Variants in PRKCE observed in about 807,000 individuals in gnomAD.
The protein encoded by PRKCE is protein kinase C epsilon.
PRKCE carries 16 observed loss-of-function variants against 85.4 expected under a neutral mutation model. The ratio of observed to expected loss-of-function variants is 0.19; its 90% CI spans 0.13 to 0.28. The LOEUF (loss-of-function observed/expected upper bound fraction) is 0.28. Ranked by LOEUF, PRKCE falls within the 10% of genes least tolerant of loss-of-function variation. PRKCE has a pLI of 1.00. For missense variants in PRKCE, 573 were observed against 975.2 expected, an observed-to-expected ratio of 0.59 and a Z score of 5.49; for synonymous variants, 388 against 371.5, an observed-to-expected ratio of 1.04 and a Z score of -0.51.
chr2:45,997,911 C>G (rs1704351631), intron 6 of PRKCE, among the ~76,000 whole-genome samples: 2 of 152,124 alleles, frequency 1.3e-5, no homozygotes, highest in East Asian at 3.8e-4. Context: ...TTTTCTCACT[C>G]ATATGCTATT....
At chr2:45,999,872 A>G (rs530392082) in intron 6 of PRKCE, among the ~76,000 whole-genome samples, 40 of 152,202 alleles carry the variant, frequency 2.6e-4, no homozygotes, top group African/African-American at 9.2e-4. Flanking sequence ...TTCTTCAGCC[A>G]TGTCTAGACT....
chr2:45,875,058 G>A (rs548020168), intron 2 of PRKCE, among the ~76,000 whole-genome samples: 1 of 152,144 alleles, frequency 6.6e-6, no homozygotes, highest in African/African-American at 2.4e-5. Context: ...ATGCATGCAG[G>A]ACCCCACCAG....
intron 1 of PRKCE, among the ~76,000 whole-genome samples, chr2:45,772,260 C>T (rs1205995282): frequency 6.7e-6 from 1 of 149,162 alleles, no homozygotes; most frequent in Non-Finnish European, 1.5e-5. Context: ...GGCAGCATAG[C>T]AAGACCCCAT....
In PRKCE at chr2:45,786,058, G is replaced by T. The variant is rs765225419; in HGVS notation, c.349-56942G>T. Among the ~76,000 whole-genome samples, 1 of 152,102 alleles carries T rather than the reference G, an allele frequency of 6.6e-6. No homozygotes were observed. Among genetic ancestry groups the T allele is most frequent in the Non-Finnish European group, 1.5e-5 (1 of 68,020 alleles). ...TCTCACAGCCCTGCTGGGTCATCGT[G>T]GGGGTGAATAGATACCTGCTTCTCT... On this transcript the variant is annotated intron_variant, in intron 1 of 14. Transcript: ENST00000306156. This position sits in a 1 kb window ranked among gnomAD's most constrained non-coding sequence, Gnocchi z 5.3.
chr2:46,076,057 G>A (rs1243683577), intron 10 of PRKCE, among the ~76,000 whole-genome samples: 1 of 152,202 alleles, frequency 6.6e-6, no homozygotes, highest in African/African-American at 2.4e-5. Context: ...GGACATTGAT[G>A]CTGGTCATGC....
At chr2:45,690,839 T>G (rs968698166) in intron 1 of PRKCE, among the ~76,000 whole-genome samples, 1 of 152,240 alleles carries the variant, frequency 6.6e-6, no homozygotes, top group African/African-American at 2.4e-5. Context: ...ACCATCCAGG[T>G]GCTCCCAGAG....
At chr2:45,738,126 C>G (rs548351945) in intron 1 of PRKCE, among the ~76,000 whole-genome samples, 1 of 152,282 alleles carries the variant, frequency 6.6e-6, no homozygotes, top group South Asian at 2.1e-4. Context: ...CTGCCAATCT[C>G]TCCCACCTCT....
At chr2:46,170,429 T>C (rs1241335163) in intron 14 of PRKCE, among the ~76,000 whole-genome samples, 1 of 152,246 alleles carries the variant, frequency 6.6e-6, no homozygotes, top group Non-Finnish European at 1.5e-5. Context: ...TCCCCATGTG[T>C]TCATCACCCA....
chr2:45,833,519 C>G (rs1275573441), intron 1 of PRKCE, among the ~76,000 whole-genome samples: 3 of 152,206 alleles, frequency 2.0e-5, no homozygotes, highest in African/African-American at 7.2e-5. Context: ...AAGTGCTCCA[C>G]CATCTCCTCG....
chr2:45,970,708 G>A (rs1353548502), intron 2 of PRKCE, among the ~76,000 whole-genome samples: 3 of 151,980 alleles, frequency 2.0e-5, no homozygotes, highest in Non-Finnish European at 2.9e-5. Flanking sequence ...TGTCATATCA[G>A]TGTTAAATTT....
intron 1 of PRKCE, among the ~76,000 whole-genome samples, chr2:45,695,959 C>T (rs890276782): frequency 2.0e-5 from 3 of 151,958 alleles, no homozygotes; most frequent in African/African-American, 7.3e-5. Context: ...TATTATTATA[C>T]TTTAAGTTTT....
At chr2:45,771,877 G>A (rs1299220723) in intron 1 of PRKCE, among the ~76,000 whole-genome samples, 3 of 152,108 alleles carry the variant, frequency 2.0e-5, no homozygotes, top group South Asian at 4.1e-4. Context: ...AGGGATGGTG[G>A]AGCTGGATCT....
intron 2 of PRKCE, among the ~76,000 whole-genome samples, chr2:45,904,007 G>A (rs758585739): frequency 6.6e-6 from 1 of 151,586 alleles, no homozygotes; most frequent in African/African-American, 2.4e-5. Flanking sequence ...GAGTTCAAGC[G>A]ATTCTCGTGC....
intron 2 of PRKCE, among the ~76,000 whole-genome samples, chr2:45,948,561 C>T (rs1026853908): frequency 6.6e-6 from 1 of 152,162 alleles, no homozygotes; most frequent in Admixed American, 6.5e-5. Flanking sequence ...ATTGCTTGAG[C>T]CCAGGAGCTC....
intron 2 of PRKCE, among the ~76,000 whole-genome samples, chr2:45,958,818 T>TATATATATA (rs1558885886): frequency 1.8e-3 from 14 of 7,584 alleles, no homozygotes; most frequent in Non-Finnish European, 3.0e-3. Flanking sequence ...ATATATATAT[T>TATATATATA]TTTTTTTTTT....
At chr2:45,737,759 CG>C (rs1357710385) in intron 1 of PRKCE, among the ~76,000 whole-genome samples, 2 of 152,218 alleles carry the variant, frequency 1.3e-5, no homozygotes, top group South Asian at 4.2e-4. Flanking sequence ...TTGTCTTGCC[CG>C]GGGCCCTCCC....
At chr2:45,926,981 G>A (rs1201948575) in intron 2 of PRKCE, among the ~76,000 whole-genome samples, 1 of 152,110 alleles carries the variant, frequency 6.6e-6, no homozygotes, top group Non-Finnish European at 1.5e-5. Context: ...AGCGTGCATG[G>A]GACACAGGAT....
At position 46,185,946 on chromosome 2, in the gene PRKCE, A is replaced by G. The variant is rs1302172264; in HGVS notation, c.*1065A>G. ...GTAGTACTACTGTGTTGTGGTTTTT[A>G]AACATTAAACATGTAAAGTTATATA... On this transcript the variant is annotated 3_prime_UTR_variant, in exon 15 of 15. Coordinates refer to ENST00000306156, the MANE Select transcript of PRKCE (RefSeq NM_005400.3). The surrounding 1 kb of genome is among the most constrained non-coding windows in gnomAD (Gnocchi z 4.7). The G allele has an allele frequency of 6.6e-6, 1 of 152,290 alleles. No individual in the cohort carries two copies. The highest frequency in any genetic ancestry group is 6.5e-5 in the Admixed American group (1 of 15,290). The allele number at this position is 152,290 out of a possible 1,614,324, so 9.4% of individuals were successfully genotyped here. A position where few individuals can be genotyped will look rare whatever the true frequency, so the allele number is the denominator to read the frequency against.
At chr2:46,070,454 C>T (rs542785579) in intron 10 of PRKCE, among the ~76,000 whole-genome samples, 58 of 152,202 alleles carry the variant, frequency 3.8e-4, no homozygotes, top group African/African-American at 8.2e-4. Context: ...CCATCCTGGC[C>T]AACATGGTGA....
Sources: allele counts gnomAD v4.1 joint callset (sites outside exome capture counted in the v4.1 genomes callset), GRCh38; gene constraint gnomAD v4.1.1; non-coding constraint Gnocchi (gnomAD v3.1); transcripts MANE v1.5; gene names NCBI Gene and HGNC (gene_info 2026-07-23, HGNC 2026-07-21).